The following CCDC92B variants were observed in gnomAD, a reference collection of about 807,000 sequenced individuals.
CCDC92B encodes the protein coiled-coil domain containing 92B, also known as coiled-coil domain-containing 92B.
In CCDC92B, 2 loss-of-function variants were observed where a neutral mutation model predicts 5.6. That is an observed-to-expected ratio of 0.36 (90% CI 0.15 to 1.12). The LOEUF (loss-of-function observed/expected upper bound fraction) is 1.12, where lower values mean the gene tolerates loss of function less well. Among genes scored for constraint, CCDC92B ranks in the 50% most tolerant of loss-of-function variants. The pLI, the probability that CCDC92B is intolerant of heterozygous loss-of-function variation, is 0.40. For synonymous variants in CCDC92B, 115 were observed against 122.3 expected (o/e 0.94, Z 0.39); for missense variants, 271 against 262.2 (o/e 1.03, Z -0.23).
chr17:2,734,091 G>A (rs16952345), intron 2 of CCDC92B, among the ~76,000 whole-genome samples: 3,946 of 152,106 alleles, frequency 0.026, 178 homozygotes, highest in African/African-American at 0.091. Flanking sequence ...TCTCCTTTAA[G>A]TGATGCTTTA....
intron 1 of CCDC92B, among the ~76,000 whole-genome samples, chr17:2,746,370 A>T (rs2070986506): frequency 6.6e-6 from 1 of 152,234 alleles, no homozygotes; most frequent in Non-Finnish European, 1.5e-5. Flanking sequence ...CACAAGGTTC[A>T]CAATTTATAG....
At chr17:2,748,432 C>G (rs1045376298) in intron 1 of CCDC92B, 1 of 916,592 alleles carries the variant, frequency 1.1e-6, no homozygotes, top group Non-Finnish European at 1.3e-6. Context: ...ACTCTTTGTT[C>G]TGTGTGTGTG....
chr17:2,724,454 T>A lies in CCDC92B; in HGVS notation c.725A>T (p.Gln242Leu). Residue 242 changes from glutamine to leucine, a missense_variant, in exon 4 of 4, where the codon CAG becomes CTG. By Grantham distance (113) the Gln-to-Leu change is moderately radical. Coordinates refer to ENST00000614400, the MANE Select transcript of CCDC92B (RefSeq NM_001355573.2). The surrounding 1 kb of genome is among the most constrained non-coding windows in gnomAD (Gnocchi z 5.0). The part of the protein sequence containing the change: ...PQEPPDRAGP[Q>L]PAPSQPSAPG... ...CGCGCTGGGCTGGCTGGGCGCGGGC[T>A]GCGGGCCGGCTCGGTCCGGGGGCTC... The A allele has an allele frequency of 2.0e-6, 2 of 983,008 alleles. No individual in the cohort carries two copies. The highest frequency in any genetic ancestry group is 2.4e-6 in the Non-Finnish European group (2 of 829,222). 60.9% of individuals were successfully genotyped at this position (983,008 alleles called of 1,614,324 possible).
At chr17:2,732,957 G>A (rs1353496644) in intron 2 of CCDC92B, among the ~76,000 whole-genome samples, 1 of 151,544 alleles carries the variant, frequency 6.6e-6, no homozygotes, top group Non-Finnish European at 1.5e-5. Context: ...AGCTTGCAGT[G>A]AGCCGAGATC....
Position 2,724,445 on chromosome 17 carries a change from G to A in CCDC92B, c.734C>T (p.Pro245Leu), listed in dbSNP as rs1213872966. Residue 245 changes from proline to leucine, a missense_variant, in exon 4 of 4, where the codon CCC becomes CTC. Transcript: ENST00000614400. The surrounding 1 kb of genome is among the most constrained non-coding windows in gnomAD (Gnocchi z 5.0). ...PPDRAGPQPA[P>L]SQPSAPGDPE is the part of the protein sequence containing the mutation. ...GTCCCCGGGCGCGCTGGGCTGGCTG[G>A]GCGCGGGCTGCGGGCCGGCTCGGTC... The A allele has an allele frequency of 2.0e-6, 2 of 983,904 alleles. No homozygotes were observed. Among genetic ancestry groups the A allele is most frequent in the East Asian group, 1.1e-4 (1 of 8,738 alleles). 60.9% of individuals were successfully genotyped at this position (983,904 alleles called of 1,614,324 possible).
At chr17:2,737,742 C>T (rs1160868442) in intron 1 of CCDC92B, among the ~76,000 whole-genome samples, 2 of 151,990 alleles carry the variant, frequency 1.3e-5, no homozygotes, top group South Asian at 2.1e-4. Flanking sequence ...TCCCAAAGTG[C>T]TGGTATTACG....
chr17:2,732,544 C>T (rs2070805462), intron 2 of CCDC92B, among the ~76,000 whole-genome samples: 1 of 151,976 alleles, frequency 6.6e-6, no homozygotes, highest in Admixed American at 6.6e-5. Context: ...TGGTGAAACC[C>T]CATCTCTACT....
At chr17:2,735,811 G>C (rs1362607974) in intron 1 of CCDC92B, among the ~76,000 whole-genome samples, 1 of 152,126 alleles carries the variant, frequency 6.6e-6, no homozygotes, top group African/African-American at 2.4e-5. Context: ...AGAGAACCTG[G>C]GTTCTAGCCT....
At chr17:2,734,777 C>T (rs1023783084) in intron 2 of CCDC92B, among the ~76,000 whole-genome samples, 4 of 152,010 alleles carry the variant, frequency 2.6e-5, no homozygotes, top group Non-Finnish European at 4.4e-5. Context: ...TGTGAGCCAC[C>T]GCGCCCAGCC....
chr17:2,732,610 C>T (rs975453786), intron 2 of CCDC92B, among the ~76,000 whole-genome samples: 1 of 151,628 alleles, frequency 6.6e-6, no homozygotes, highest in Non-Finnish European at 1.5e-5. Context: ...CCAGCTACTT[C>T]GGAGGCTGAG....
At chr17:2,745,247 ATTCTCT>A (rs982695820) in intron 1 of CCDC92B, among the ~76,000 whole-genome samples, 2 of 151,834 alleles carry the variant, frequency 1.3e-5, no homozygotes, top group Admixed American at 6.6e-5. Flanking sequence ...GTGTTTCCCG[ATTCTCT>A]TTGCTGCTGT....
At chr17:2,733,730 A>C (rs1019248444) in intron 2 of CCDC92B, among the ~76,000 whole-genome samples, 1 of 138,826 alleles carries the variant, frequency 7.2e-6, no homozygotes, top group Non-Finnish European at 1.5e-5. Flanking sequence ...TGATGGCTGA[A>C]TCAGGACCAC....
intron 1 of CCDC92B, among the ~76,000 whole-genome samples, chr17:2,736,379 A>G (rs1011754391): frequency 2.3e-4 from 35 of 152,096 alleles, no homozygotes; most frequent in African/African-American, 8.2e-4. Flanking sequence ...GTGAACTGAG[A>G]CCATGCCACT....
intron 1 of CCDC92B, among the ~76,000 whole-genome samples, chr17:2,738,510 C>T (rs375567450): frequency 2.6e-5 from 4 of 151,992 alleles, no homozygotes; most frequent in African/African-American, 7.3e-5. Context: ...CAGTGGCTCA[C>T]GCTTGTAATC....
chr17:2,728,279 T>C (rs2070755638), intron 3 of CCDC92B, among the ~76,000 whole-genome samples: 1 of 140,384 alleles, frequency 7.1e-6, no homozygotes, highest in South Asian at 2.2e-4. Flanking sequence ...GATGGTGCCA[T>C]GGCACTCCAG....
In CCDC92B at chr17:2,724,133, AG is replaced by A. The variant is rs1256462221; in HGVS notation, c.*277del. ...TCCTGTCTCACAGGCAGGTGGGACCAGGCCAGGATCGGGACGGCGAGTCCTC... is the reference window on the plus strand; with the variant it reads ...TCCTGTCTCACAGGCAGGTGGGACCAGCCAGGATCGGGACGGCGAGTCCTC... On this transcript the variant is annotated 3_prime_UTR_variant, in exon 4 of 4. Transcript: ENST00000614400. The surrounding 1 kb of genome is among the most constrained non-coding windows in gnomAD (Gnocchi z 5.0). 2 of 984,532 alleles carry A rather than the reference AG, an allele frequency of 2.0e-6. No individual in the cohort carries two copies. Among genetic ancestry groups the A allele is most frequent in the Admixed American group, 1.2e-4 (2 of 16,224 alleles). 61.0% of individuals were successfully genotyped at this position (984,532 alleles called of 1,614,324 possible). A position where few individuals can be genotyped will look rare whatever the true frequency, so the allele number is the denominator to read the frequency against.
At chr17:2,741,672 A>AAGC (rs1402997149) in intron 1 of CCDC92B, among the ~76,000 whole-genome samples, 1 of 140,404 alleles carries the variant, frequency 7.1e-6, no homozygotes, top group Non-Finnish European at 1.5e-5. Flanking sequence ...GGCTCACTGC[A>AAGC]AGCTCTGCCT....
chr17:2,726,679 T>A (rs9797250), intron 3 of CCDC92B, among the ~76,000 whole-genome samples: 33,029 of 150,600 alleles, frequency 0.22, 4,225 homozygotes, highest in South Asian at 0.3. Flanking sequence ...AGTGGCATGA[T>A]CTCGGTTCAC....
intron 1 of CCDC92B, among the ~76,000 whole-genome samples, chr17:2,741,540 G>A (rs1452310197): frequency 6.6e-6 from 1 of 151,254 alleles, no homozygotes; most frequent in Non-Finnish European, 1.5e-5. Context: ...CTACCCAGGC[G>A]TTGAGGTGTC....
Sources: gnomAD v4.1 joint callset for allele counts (sites outside exome capture counted in the v4.1 genomes callset) on GRCh38, gnomAD v4.1.1 for gene constraint, Gnocchi (gnomAD v3.1) non-coding constraint, MANE v1.5 for transcripts, NCBI Gene and HGNC (gene_info 2026-07-23, HGNC 2026-07-21) for gene names.